Variants in ATP2B2 observed in about 807,000 individuals in gnomAD.
ATP2B2 encodes plasma membrane calcium-transporting ATPase 2.
A neutral mutation model predicts 120.0 loss-of-function variants in ATP2B2; 15 were observed. The ratio of observed to expected loss-of-function variants is 0.12; its 90% CI spans 0.08 to 0.19. The LOEUF is 0.19. Among genes scored for constraint, ATP2B2 ranks in the 10% least tolerant of loss-of-function variants. ATP2B2 has a pLI of 1.00. For missense variants in ATP2B2, 1,045 were observed against 1,719.8 expected, an observed-to-expected ratio of 0.61 and a Z score of 6.94; for synonymous variants, 694 against 700.3, an observed-to-expected ratio of 0.99 and a Z score of 0.14.
At chr3:10,686,370 A>G (rs550561053) in intron 1 of ATP2B2, among the ~76,000 whole-genome samples, 2 of 152,202 alleles carry the variant, frequency 1.3e-5, no homozygotes, top group African/African-American at 4.8e-5. Context: ...AAAGCACACA[A>G]TTGGCTGGGC....
In ATP2B2 at chr3:10,386,515, G is replaced by C. The variant is rs370975513; in HGVS notation, c.908-3C>G. 6.2e-7 allele frequency: 1 copy of C among 1,614,032 alleles called. No homozygotes were observed. Among genetic ancestry groups the C allele is most frequent in the African/African-American group, 1.3e-5 (1 of 74,914 alleles). On this transcript the variant is annotated splice_polypyrimidine_tract_variant and splice_region_variant and intron_variant, in intron 6 of 22. Coordinates refer to ENST00000360273, the MANE Select transcript of ATP2B2 (RefSeq NM_001001331.4). ...AAGGCCATCCCCCTTCTTCACACCT[G>C]TGTGATGATTTTTGAGACATGTTAA...
chr3:10,328,832 G>A lies in ATP2B2; in HGVS notation c.3714C>T (p.Ser1238=). 6.2e-7 allele frequency: 1 copy of A among 1,611,516 alleles called. No homozygotes were observed. Among genetic ancestry groups the A allele is most frequent in the Middle Eastern group, 1.7e-4 (1 of 6,050 alleles). Residue 1238 remains serine, a synonymous_variant, in exon 23 of 23, where the codon AGC becomes AGT. Transcript: ENST00000360273. Reference sequence around the variant, plus strand: ...TCCTCAGCTAAAGCGACGTCTCCAGGCTGTGGATGGGGCTCCCTGGACTTG... The same window carrying A: ...TCCTCAGCTAAAGCGACGTCTCCAGACTGTGGATGGGGCTCCCTGGACTTG... ...TSSSPGSPIH[S]LETSL
At chr3:10,480,611 C>T (rs958279216) in intron 1 of ATP2B2, among the ~76,000 whole-genome samples, 1 of 152,238 alleles carries the variant, frequency 6.6e-6, no homozygotes, top group Non-Finnish European at 1.5e-5. Flanking sequence ...AAGACCCTGT[C>T]AAGCTTTTGT....
At chr3:10,606,431 G>A (rs1177736187) in intron 2 of ATP2B2, among the ~76,000 whole-genome samples, 1 of 152,134 alleles carries the variant, frequency 6.6e-6, no homozygotes, top group Non-Finnish European at 1.5e-5. Flanking sequence ...CTAACCCCAA[G>A]ATCTCAGCCC....
intron 1 of ATP2B2, among the ~76,000 whole-genome samples, chr3:10,487,796 T>C (rs1199883887): frequency 1.3e-5 from 2 of 152,190 alleles, no homozygotes; most frequent in Non-Finnish European, 1.5e-5. Context: ...TGAAAGTGCC[T>C]CCAACAGTAC....
intron 1 of ATP2B2, among the ~76,000 whole-genome samples, chr3:10,451,717 C>T (rs891897016): frequency 3.3e-5 from 5 of 152,182 alleles, no homozygotes; most frequent in Admixed American, 1.3e-4. Context: ...AGAAACTGCA[C>T]GCTTGGTGCT....
intron 2 of ATP2B2, among the ~76,000 whole-genome samples, chr3:10,591,883 A>G (rs2068652536): frequency 6.6e-6 from 1 of 152,178 alleles, no homozygotes; most frequent in Non-Finnish European, 1.5e-5. Context: ...TTCATCAGCC[A>G]GGGATCAGGG....
chr3:10,641,669 C>A (rs145720221), intron 1 of ATP2B2, among the ~76,000 whole-genome samples: 1 of 152,156 alleles, frequency 6.6e-6, no homozygotes, highest in Non-Finnish European at 1.5e-5. Context: ...TCAGCTCTAA[C>A]TTGGATGCAG....
chr3:10,629,401 G>A (rs1575575049), intron 1 of ATP2B2, among the ~76,000 whole-genome samples: 1 of 152,302 alleles, frequency 6.6e-6, no homozygotes, highest in East Asian at 1.9e-4. Context: ...TAAGGAGGAG[G>A]CAAACTCGCA....
chr3:10,515,147 T>C (rs2066851658), intron 3 of ATP2B2, among the ~76,000 whole-genome samples: 1 of 152,352 alleles, frequency 6.6e-6, no homozygotes, highest in African/African-American at 2.4e-5. Flanking sequence ...GCTCTGCCAC[T>C]TACCACTGGG....
intron 1 of ATP2B2, among the ~76,000 whole-genome samples, chr3:10,450,855 G>C (rs549973121): frequency 6.6e-6 from 1 of 152,152 alleles, no homozygotes; most frequent in Admixed American, 6.5e-5. Flanking sequence ...ACCAGAGGCC[G>C]AGGCCCCAGC....
intron 1 of ATP2B2, among the ~76,000 whole-genome samples, chr3:10,704,698 T>C (rs1198264265): frequency 6.6e-6 from 1 of 152,206 alleles, no homozygotes; most frequent in Non-Finnish European, 1.5e-5. Context: ...AATTTTTAGA[T>C]ACCATAAAGC....
rs58615119 is a variant in ATP2B2, at chr3:10,382,197, A to ATTTTTTTTT, written c.1001-2922_1001-2914dup. On this transcript the variant is annotated intron_variant, in intron 8 of 22. Transcript: ENST00000360273. ...TGTGCCACTATACCCAGCTAATTAA[A>ATTTTTTTTT]TTTTTTTTTTTTTTTTTTTGTAGAG... 3.5e-3 allele frequency among the ~76,000 whole-genome samples: 427 copies of ATTTTTTTTT among 122,264 alleles called. 3 individuals carry two copies. The highest frequency in any genetic ancestry group is 9.9e-3 in the East Asian group (39 of 3,932). The allele number at this position is 122,264 out of a possible 152,430, so 80.2% of individuals were successfully genotyped here.
At chr3:10,507,119 A>C (rs1376192523), upstream of ATP2B2, among the ~76,000 whole-genome samples, 1 of 151,990 alleles carries the variant, frequency 6.6e-6, no homozygotes, top group Non-Finnish European at 1.5e-5. Context: ...CTACGATGTC[A>C]AGGGCCGGGT....
In ATP2B2 at chr3:10,393,372, G is replaced by A. The variant is rs147343198; in HGVS notation, c.782-4970C>T. ...CTGAGAGTATTTTTGGGTGGAGGGG[G>A]AGGAAGGAAGAGAATATCTTTTGAG... On this transcript the variant is annotated intron_variant, in intron 5 of 22. Transcript: ENST00000360273. Among the ~76,000 whole-genome samples the A allele has an allele frequency of 4.7e-4, 71 of 152,292 alleles. No homozygotes were observed. In the East Asian group the frequency reaches 0.011, roughly 24 times the overall value.
chr3:10,695,536 C>T (rs749710413), intron 1 of ATP2B2, among the ~76,000 whole-genome samples: 32 of 152,106 alleles, frequency 2.1e-4, no homozygotes, highest in Non-Finnish European at 3.4e-4. Flanking sequence ...CATAACTCTA[C>T]CACTGTTACG....
At chr3:10,536,478 T>G (rs1240817312) in intron 2 of ATP2B2, among the ~76,000 whole-genome samples, 1 of 151,470 alleles carries the variant, frequency 6.6e-6, no homozygotes, top group Non-Finnish European at 1.5e-5. Flanking sequence ...TTCCTCCTCC[T>G]CCTCCTCTTT....
chr3:10,486,328 T>TGTGCGC (rs149290932), intron 1 of ATP2B2, among the ~76,000 whole-genome samples: 3 of 115,582 alleles, frequency 2.6e-5, no homozygotes, highest in Non-Finnish European at 6.2e-5. Context: ...TGCGTGCGTG[T>TGTGCGC]GTGTGTGTGT....
chr3:10,464,262 G>A (rs1260098970), intron 1 of ATP2B2, among the ~76,000 whole-genome samples: 4 of 152,284 alleles, frequency 2.6e-5, no homozygotes, highest in Non-Finnish European at 4.4e-5. Context: ...AAGGGGGTGC[G>A]GGTGGGGGTG....
Sources: allele counts gnomAD v4.1 joint callset (sites outside exome capture counted in the v4.1 genomes callset), GRCh38; gene constraint gnomAD v4.1.1; transcripts MANE v1.5; gene names NCBI Gene and HGNC (gene_info 2026-07-23, HGNC 2026-07-21).